Variants in CAMTA1 observed in about 807,000 individuals in gnomAD.
The protein encoded by CAMTA1 is calmodulin binding transcription activator 1.
A neutral mutation model predicts 170.9 loss-of-function variants in CAMTA1; 27 were observed. The observed-to-expected ratio is 0.16, with a 90% CI of 0.12 to 0.22. The LOEUF is 0.22. Ranked by LOEUF, CAMTA1 falls within the 10% of genes least tolerant of loss-of-function variation. The pLI is 1.00. For synonymous variants in CAMTA1, 833 were observed against 891.5 expected (o/e 0.93, Z 1.17); for missense variants, 1,619 against 2,217.2 (o/e 0.73, Z 5.42).
intron 11 of CAMTA1, among the ~76,000 whole-genome samples, chr1:7,683,189 A>G (rs1006548552): frequency 6.6e-6 from 1 of 151,786 alleles, no homozygotes; most frequent in Non-Finnish European, 1.5e-5. Flanking sequence ...CTCAAAAAAA[A>G]AAAAAAAAAA....
rs1230401086 is a variant in CAMTA1 at position 7,443,887 on chromosome 1, C to G, written c.439-23943C>G. Among the ~76,000 whole-genome samples, 1 of 152,172 alleles carries G rather than the reference C, an allele frequency of 6.6e-6. No homozygotes were observed. The highest frequency in any genetic ancestry group is 1.5e-5 in the Non-Finnish European group (1 of 68,022). ...AGGCCAGAGGGAGGAGGCACAGCCTCTCACCCATGCCTCTGCCTGGACACA... is the reference window on the plus strand; with the variant it reads ...AGGCCAGAGGGAGGAGGCACAGCCTGTCACCCATGCCTCTGCCTGGACACA... On this transcript the variant is annotated intron_variant, in intron 5 of 22. Coordinates refer to ENST00000303635, the MANE Select transcript of CAMTA1 (RefSeq NM_015215.4). This position sits in a 1 kb window ranked among gnomAD's most constrained non-coding sequence, Gnocchi z 4.1.
rs960430133 is a variant in CAMTA1, at chr1:7,609,728, C to G, written c.511-30672C>G. On this transcript the variant is annotated intron_variant, in intron 6 of 22. Transcript: ENST00000303635. The surrounding 1 kb of genome is among the most constrained non-coding windows in gnomAD (Gnocchi z 4.4). ...CACCCACAGGTGGTGTGACCTTGAGCAGGTCACTTTGCTTCTCTGAGCCTC... is the reference window on the plus strand; with the variant it reads ...CACCCACAGGTGGTGTGACCTTGAGGAGGTCACTTTGCTTCTCTGAGCCTC... 2.0e-5 allele frequency among the ~76,000 whole-genome samples: 3 copies of G among 152,204 alleles called. No individual in the cohort carries two copies. Among genetic ancestry groups the G allele is most frequent in the Admixed American group, 1.3e-4 (2 of 15,282 alleles).
chr1:6,928,065 C>T (rs1683670993), intron 3 of CAMTA1, among the ~76,000 whole-genome samples: 1 of 152,182 alleles, frequency 6.6e-6, no homozygotes, highest in Non-Finnish European at 1.5e-5. Flanking sequence ...TCTCCTCCTG[C>T]CTGGGGCATC....
In CAMTA1 at chr1:7,738,001, G is replaced by A. The variant is rs1430493999; in HGVS notation, c.3701G>A (p.Ser1234Asn). 1.2e-6 allele frequency: 2 copies of A among 1,614,034 alleles called. No individual in the cohort carries two copies. Among genetic ancestry groups the A allele is most frequent in the Admixed American group, 1.7e-5 (1 of 60,018 alleles). The change falls in exon 16 of 23, where the codon AGT (serine) becomes AAT (asparagine). Residue 1234 changes from serine (S) to asparagine (N), a missense_variant. Around this residue, in one of 8 missense-constraint regions of CAMTA1, gnomAD observed 370 missense variants for 429.4 expected, o/e 0.86. Coordinates refer to ENST00000303635, the MANE Select transcript of CAMTA1 (RefSeq NM_015215.4). The surrounding 1 kb of genome is among the most constrained non-coding windows in gnomAD (Gnocchi z 4.9). ...PRSEPSNYYS[S>N]ESHKDYPAPK... ...TCTGAACCCTCTAATTACTACAGCA[G>A]TGAGAGCCACAAAGATTATCCGGCT...
chr1:6,921,279 C>G (rs534581981), intron 3 of CAMTA1, among the ~76,000 whole-genome samples: 1 of 150,650 alleles, frequency 6.6e-6, no homozygotes, highest in South Asian at 2.1e-4. Context: ...AGATGCCACT[C>G]TTTGCTAAAA....
Position 7,748,721 on chromosome 1 carries a change from TA to T in CAMTA1, c.4689+944del, listed in dbSNP as rs371674906. ...TATCCATTTTAAAATGAAGAATTGT[TA>T]AAATCTTTGAAAATCAGAAGAAGCT... On this transcript the variant is annotated intron_variant, in intron 19 of 22. Transcript: ENST00000303635. This position sits in a 1 kb window ranked among gnomAD's most constrained non-coding sequence, Gnocchi z 4.7. Among the ~76,000 whole-genome samples the T allele has an allele frequency of 4.0e-3, 607 of 152,330 alleles. 8 individuals carry two copies. Among genetic ancestry groups the T allele is most frequent in the African/African-American group, 0.013 (546 of 41,582 alleles).
chr1:7,450,062 C>T (rs2092786111), intron 5 of CAMTA1, among the ~76,000 whole-genome samples: 1 of 152,146 alleles, frequency 6.6e-6, no homozygotes, highest in Non-Finnish European at 1.5e-5. Context: ...GATGAAGCCC[C>T]ACCAGCCAGC....
In CAMTA1 at chr1:7,391,438, G is replaced by A. The variant is rs115252936; in HGVS notation, c.439-76392G>A. On this transcript the variant is annotated intron_variant, in intron 5 of 22. Coordinates refer to ENST00000303635, the MANE Select transcript of CAMTA1 (RefSeq NM_015215.4). The stretch of plus-strand genomic sequence containing the variant: ...TAGATTAGGAAGCTGCTGCTCAGAC[G>A]GATTAAATCATTTGGCCCAGGTCAT... Among the ~76,000 whole-genome samples the A allele has an allele frequency of 4.0e-3, 600 of 151,754 alleles. 3 individuals are homozygous for A. The highest frequency in any genetic ancestry group is 6.5e-3 in the Non-Finnish European group (440 of 67,930).
intron 5 of CAMTA1, among the ~76,000 whole-genome samples, chr1:7,298,947 A>C (rs1472490357): frequency 6.6e-6 from 1 of 151,964 alleles, no homozygotes; most frequent in Non-Finnish European, 1.5e-5. Context: ...AGGGTTTTGG[A>C]CTCAACTGTT....
intron 4 of CAMTA1, among the ~76,000 whole-genome samples, chr1:7,180,511 CTTTTTTTTT>C (rs397862259): frequency 8.3e-4 from 59 of 71,164 alleles, no homozygotes; most frequent in Non-Finnish European, 1.2e-3. Flanking sequence ...TGTCACTAGA[CTTTTTTTTT>C]TTTTTTTTTT....
At chr1:7,178,196 G>C (rs910404768) in intron 4 of CAMTA1, among the ~76,000 whole-genome samples, 1 of 152,182 alleles carries the variant, frequency 6.6e-6, no homozygotes, top group Non-Finnish European at 1.5e-5. Context: ...TCTGTGCTCA[G>C]GGCTGCCAGA....
chr1:7,669,384 G>A (rs1402693720), intron 9 of CAMTA1, among the ~76,000 whole-genome samples: 1 of 152,270 alleles, frequency 6.6e-6, no homozygotes, highest in South Asian at 2.1e-4. Flanking sequence ...GGCCAGGCCT[G>A]GGTTCCAGGA....
rs2095981651 is a variant in CAMTA1, at chr1:7,663,900, G to A, written c.1353G>A (p.Glu451=). The A allele has an allele frequency of 6.2e-7, 1 of 1,613,782 alleles. No individual in the cohort carries two copies. The highest frequency in any genetic ancestry group is 1.3e-5 in the African/African-American group (1 of 74,920). ...CCTTTCCCACCACGGGCAGCTCGGA[G>A]AGCCTGTCCATGCTGCCCACCAACG... is the stretch of plus-strand genomic sequence containing the variant. ...KFAFPTTGSS[E]SLSMLPTNVS... Residue 451 remains glutamate, a synonymous_variant, in exon 9 of 23, where the codon GAG becomes GAA. Transcript: ENST00000303635.
At chr1:7,717,768 C>T (rs958739304) in intron 11 of CAMTA1, among the ~76,000 whole-genome samples, 10 of 152,006 alleles carry the variant, frequency 6.6e-5, no homozygotes, top group African/African-American at 1.9e-4. Context: ...TTCTTATTAG[C>T]TAAAAGGTGA....
intron 11 of CAMTA1, among the ~76,000 whole-genome samples, chr1:7,713,107 G>T (rs1031788297): frequency 6.6e-6 from 1 of 152,202 alleles, no homozygotes; most frequent in African/African-American, 2.4e-5. Context: ...GTCAAAGGTT[G>T]TCTGAAGTGG....
chr1:7,149,598 C>T (rs1309801544), intron 4 of CAMTA1, among the ~76,000 whole-genome samples: 1 of 152,136 alleles, frequency 6.6e-6, no homozygotes, highest in Non-Finnish European at 1.5e-5. Context: ...AGCTGATTTC[C>T]ATGAAGGCGG....
chr1:7,598,621 C>T (rs1016362425), intron 6 of CAMTA1, among the ~76,000 whole-genome samples: 21 of 151,950 alleles, frequency 1.4e-4, no homozygotes, highest in Admixed American at 3.3e-4. Context: ...TTTTAATGAT[C>T]GCCATTCTAA....
chr1:7,472,649 G>T (rs1421485212), intron 6 of CAMTA1, among the ~76,000 whole-genome samples: 1 of 152,208 alleles, frequency 6.6e-6, no homozygotes, highest in Non-Finnish European at 1.5e-5. Context: ...TGGGACAGCT[G>T]CTGGGCCCTC....
At chr1:7,643,186 C>G (rs1243024005) in intron 7 of CAMTA1, among the ~76,000 whole-genome samples, 1 of 149,976 alleles carries the variant, frequency 6.7e-6, no homozygotes, top group Non-Finnish European at 1.5e-5. Flanking sequence ...GAGTTGCCTT[C>G]CTGGCCTTTC....
Sources: gnomAD v4.1 joint callset for allele counts (sites outside exome capture counted in the v4.1 genomes callset) on GRCh38, gnomAD v4.1.1 for gene constraint, gnomAD v4.1.1 regional missense constraint, Gnocchi (gnomAD v3.1) non-coding constraint, MANE v1.5 for transcripts, NCBI Gene and HGNC (gene_info 2026-07-23, HGNC 2026-07-21) for gene names.